The following ZNF423 variants were observed in gnomAD, a reference collection of about 807,000 sequenced individuals.
ZNF423 encodes Ebf-associated zinc finger protein.
In ZNF423, 12 loss-of-function variants were observed where a neutral mutation model predicts 95.8. That is an observed-to-expected ratio of 0.13 (90% CI 0.08 to 0.20). The LOEUF is 0.20. Among genes scored for constraint, ZNF423 ranks in the 10% least tolerant of loss-of-function variants. ZNF423 has a pLI of 1.00. For missense variants in ZNF423, 1,316 were observed against 1,737.1 expected (o/e 0.76, Z 4.31); for synonymous variants, 749 against 711.9 (o/e 1.05, Z -0.83).
At chr16:49,783,622 G>A (rs1167225870) in intron 2 of ZNF423, among the ~76,000 whole-genome samples, 10 of 147,060 alleles carry the variant, frequency 6.8e-5, no homozygotes, top group African/African-American at 1.0e-4. Flanking sequence ...TGGGATTGGC[G>A]GGAGAGAGGG....
At chr16:49,604,165 C>T (rs374051607) in intron 5 of ZNF423, among the ~76,000 whole-genome samples, 6 of 152,348 alleles carry the variant, frequency 3.9e-5, no homozygotes, top group South Asian at 4.1e-4. Flanking sequence ...ACCCCGCTGG[C>T]GGGCACCCGG....
At chr16:49,655,305 T>C (rs1236292720) in intron 3 of ZNF423, among the ~76,000 whole-genome samples, 1 of 152,064 alleles carries the variant, frequency 6.6e-6, no homozygotes, top group Admixed American at 6.5e-5. Context: ...TCTGAAACAC[T>C]AGCTCATGAG....
At chr16:49,531,300 AG>A (rs1968836373) in intron 5 of ZNF423, among the ~76,000 whole-genome samples, 1 of 151,638 alleles carries the variant, frequency 6.6e-6, no homozygotes, top group African/African-American at 2.4e-5. Context: ...TATCAGGTCA[AG>A]TCCTGAGGTC....
At chr16:49,550,153 C>A (rs1969583100) in intron 5 of ZNF423, among the ~76,000 whole-genome samples, 1 of 152,186 alleles carries the variant, frequency 6.6e-6, no homozygotes, top group Admixed American at 6.5e-5. Flanking sequence ...TAGGGATGAG[C>A]CACTGAGCCC....
chr16:49,733,270 C>G (rs2033212062), intron 2 of ZNF423, among the ~76,000 whole-genome samples: 1 of 152,172 alleles, frequency 6.6e-6, no homozygotes, highest in Non-Finnish European at 1.5e-5. Context: ...CTGGCTTTAT[C>G]TACTACACCG....
intron 7 of ZNF423, among the ~76,000 whole-genome samples, chr16:49,516,556 G>A (rs888947283): frequency 1.3e-5 from 2 of 152,110 alleles, no homozygotes; most frequent in Non-Finnish European, 1.5e-5. Context: ...TTTTAAATAC[G>A]GAGCTGCCCT....
chr16:49,613,889 G>GAA (rs35458351), intron 5 of ZNF423, among the ~76,000 whole-genome samples: 15 of 147,912 alleles, frequency 1.0e-4, no homozygotes, highest in East Asian at 5.9e-4. Context: ...AAACTTTCAG[G>GAA]AAAAAAAAAA....
Position 49,771,203 on chromosome 16 carries a change from T to C in ZNF423, c.100+18284A>G, listed in dbSNP as rs563121129. On this transcript the variant is annotated intron_variant, in intron 2 of 7. Coordinates refer to ENST00000563137, the MANE Select transcript of ZNF423 (RefSeq NM_001379286.1). ...TCTTTTTTTTTTTTCTTTTTTTTTT[T>C]TTTTTTTTTGAGAAGGAGTCTCACT... Among the ~76,000 whole-genome samples the C allele has an allele frequency of 3.0e-4, 43 of 142,504 alleles. 1 individual carries two copies. The East Asian group carries it at 7.0e-3, about 23-fold the overall frequency. 93.5% of individuals were successfully genotyped at this position (142,504 alleles called of 152,430 possible).
At chr16:49,535,623 T>C (rs1308570089) in intron 5 of ZNF423, among the ~76,000 whole-genome samples, 2 of 152,172 alleles carry the variant, frequency 1.3e-5, no homozygotes, top group Non-Finnish European at 2.9e-5. Context: ...AGAGAACTCT[T>C]GGAGTTCTAT....
At chr16:49,625,701 G>A (rs1272288689) in intron 5 of ZNF423, among the ~76,000 whole-genome samples, 3 of 152,216 alleles carry the variant, frequency 2.0e-5, no homozygotes, top group African/African-American at 7.2e-5. Flanking sequence ...CTTCTAGAGA[G>A]GCTGAATTTT....
intron 5 of ZNF423, among the ~76,000 whole-genome samples, chr16:49,556,461 G>A (rs1287132515): frequency 1.3e-5 from 2 of 152,164 alleles, no homozygotes; most frequent in African/African-American, 4.8e-5. Flanking sequence ...TCACGTGAGA[G>A]CGGAGATTTC....
chr16:49,809,931 G>A (rs921336806), intron 1 of ZNF423, among the ~76,000 whole-genome samples: 8 of 151,022 alleles, frequency 5.3e-5, no homozygotes, highest in Non-Finnish European at 1.5e-5. Context: ...CCCCCAGCCT[G>A]CGCCCACCCA....
intron 3 of ZNF423, among the ~76,000 whole-genome samples, chr16:49,670,157 C>G (rs1201613999): frequency 1.3e-5 from 2 of 152,166 alleles, no homozygotes; most frequent in Admixed American, 6.5e-5. Context: ...GCTGCTGCAG[C>G]CCAGCAGTTC....
intron 3 of ZNF423, among the ~76,000 whole-genome samples, chr16:49,725,163 G>T (rs1431665570): frequency 2.0e-5 from 3 of 152,198 alleles, no homozygotes; most frequent in Non-Finnish European, 4.4e-5. Context: ...CAGGAGGATT[G>T]CCTGAGGCCA....
intron 1 of ZNF423, among the ~76,000 whole-genome samples, chr16:49,826,374 C>T (rs950950931): frequency 2.6e-5 from 4 of 152,162 alleles, no homozygotes; most frequent in Non-Finnish European, 5.9e-5. Flanking sequence ...ATGGCCAGGG[C>T]ACGCAGCAGC....
In ZNF423 at chr16:49,626,215, C is replaced by G. The variant is rs771530800; in HGVS notation, c.3556G>C (p.Glu1186Gln). The G allele has an allele frequency of 6.2e-7, 1 of 1,613,952 alleles. No individual in the cohort carries two copies. The highest frequency in any genetic ancestry group is 1.1e-5 in the South Asian group (1 of 91,054). ...YQCIKCQMTF[E>Q]NEREIQIHVA... ...TGGATTTGGATCTCTCTCTCGTTCTCGAAGGTCATCTGGCACTTGATGCAC... is the reference window on the plus strand; with the variant it reads ...TGGATTTGGATCTCTCTCTCGTTCTGGAAGGTCATCTGGCACTTGATGCAC... Residue 1186 changes from glutamate (E) to glutamine (Q), a missense_variant, in exon 5 of 8, where the codon GAG becomes CAG. By Grantham distance (29) the Glu-to-Gln change is conservative (BLOSUM62 2). Transcript: ENST00000563137.
chr16:49,742,322 G>C (rs1488294293), intron 2 of ZNF423, among the ~76,000 whole-genome samples: 2 of 152,150 alleles, frequency 1.3e-5, no homozygotes, highest in African/African-American at 2.4e-5. Flanking sequence ...AAGAAAAGAA[G>C]GCAGATGAGA....
chr16:49,730,740 C>A (rs1567316027), intron 3 of ZNF423, 31 bp downstream of exon 3: 1 of 1,613,168 alleles, frequency 6.2e-7, no homozygotes, highest in Non-Finnish European at 8.5e-7. Context: ...GTGTAACCAC[C>A]TGTCAGAGTC....
At chr16:49,533,960 C>A (rs1447599510) in intron 5 of ZNF423, among the ~76,000 whole-genome samples, 1 of 152,128 alleles carries the variant, frequency 6.6e-6, no homozygotes, top group East Asian at 1.9e-4. Flanking sequence ...GAGCTTGAGA[C>A]CAGCCTGGAC....
Sources: gnomAD v4.1 joint callset for allele counts (sites outside exome capture counted in the v4.1 genomes callset) on GRCh38, gnomAD v4.1.1 for gene constraint, MANE v1.5 for transcripts, NCBI Gene and HGNC (gene_info 2026-07-23, HGNC 2026-07-21) for gene names.